LRRC28: variants seen among roughly 807,000 people sequenced by gnomAD.
LRRC28 encodes the protein leucine rich repeat containing 28, also known as leucine-rich repeat-containing protein 28.
Under a neutral mutation model 45.7 loss-of-function variants are expected in LRRC28, and 39 were observed. The ratio of observed to expected loss-of-function variants is 0.85; its 90% CI spans 0.66 to 1.12. The LOEUF is 1.12. Among genes scored for constraint, LRRC28 ranks in the 50% most tolerant of loss-of-function variants. The pLI is 0.00. For synonymous variants in LRRC28, 206 were observed against 178.8 expected, an observed-to-expected ratio of 1.15 and a Z score of -1.22; for missense variants, 435 against 438.5, an observed-to-expected ratio of 0.99 and a Z score of 0.07.
chr15:99,278,194 C>G (rs953211422), intron 3 of LRRC28, among the ~76,000 whole-genome samples: 2 of 152,180 alleles, frequency 1.3e-5, no homozygotes, highest in Non-Finnish European at 2.9e-5. Context: ...GCTCGTTCCT[C>G]TAGACAATGT....
chr15:99,349,718 C>T (rs1956810326), intron 6 of LRRC28, among the ~76,000 whole-genome samples: 1 of 152,032 alleles, frequency 6.6e-6, no homozygotes. Context: ...GTAAAGGACT[C>T]TTAAAAAACA....
chr15:99,305,236 G>A (rs1306459908), intron 5 of LRRC28, among the ~76,000 whole-genome samples: 1 of 152,204 alleles, frequency 6.6e-6, no homozygotes, highest in Non-Finnish European at 1.5e-5. Context: ...TTTTATAAAT[G>A]TGAATGAATT....
rs1958147022 is a variant in LRRC28 at position 99,390,293 on chromosome 15, CTG to C, written c.*4193_*4194del. ...TTGCTTCACAGCCTTTGAAGTATGA[CTG>C]TATGTGTGGTCCCCTTGTACTTTGG... On this transcript the variant is annotated 3_prime_UTR_variant, in exon 10 of 10. Transcript: ENST00000301981. The C allele has an allele frequency of 6.6e-6, 1 of 152,230 alleles. No homozygotes were observed. Among genetic ancestry groups the C allele is most frequent in the Non-Finnish European group, 1.5e-5 (1 of 68,044 alleles). The allele number at this position is 152,230 out of a possible 1,614,324, so 9.4% of individuals were successfully genotyped here.
In LRRC28 at chr15:99,268,254, A is replaced by G. The variant is rs2081383001; in HGVS notation, c.169-8322A>G. ...TCTGTGTCTGAGTTTTCCTGTGAAT[A>G]AAAGTCTAGCTTAATAGAAATATTT... is the stretch of plus-strand genomic sequence containing the variant. On this transcript the variant is annotated intron_variant, in intron 2 of 9. Transcript: ENST00000301981. Among the ~76,000 whole-genome samples the G allele has an allele frequency of 2.6e-5, 4 of 152,220 alleles. No homozygotes were observed. In the South Asian group the frequency reaches 8.3e-4, roughly 31 times the overall value.
chr15:99,258,183 C>A, intron 2 of LRRC28: 5 of 1,612,342 alleles, frequency 3.1e-6, no homozygotes, highest in Non-Finnish European at 4.2e-6. Context: ...GGCCAGTCAA[C>A]TTCTGAATTG....
At chr15:99,298,291 A>G (rs1388408193) in intron 5 of LRRC28, among the ~76,000 whole-genome samples, 1 of 152,206 alleles carries the variant, frequency 6.6e-6, no homozygotes, top group East Asian at 1.9e-4. Context: ...AACAGTGATG[A>G]CAGCACTGAG....
At chr15:99,266,983 CCTTA>C (rs1276987721) in intron 2 of LRRC28, among the ~76,000 whole-genome samples, 3 of 152,026 alleles carry the variant, frequency 2.0e-5, no homozygotes, top group Admixed American at 1.3e-4. Context: ...AAAGAAACAG[CCTTA>C]CTTAAGTGTT....
intron 5 of LRRC28, among the ~76,000 whole-genome samples, chr15:99,289,935 G>A (rs542114116): frequency 3.6e-4 from 18 of 49,756 alleles, no homozygotes; most frequent in East Asian, 1.0e-3. Flanking sequence ...GCAAGACTCC[G>A]TCTCAAAAAA....
At chr15:99,300,205 A>T (rs1469160301) in intron 5 of LRRC28, among the ~76,000 whole-genome samples, 1 of 152,036 alleles carries the variant, frequency 6.6e-6, no homozygotes, top group Admixed American at 6.5e-5. Context: ...TTTTTCTTAA[A>T]TGAGATAGTT....
At position 99,388,688 on chromosome 15, in the gene LRRC28, GTTA is replaced by G. The variant is rs1958100745; in HGVS notation, c.*2591_*2593del. The G allele has an allele frequency of 1.3e-5, 2 of 152,200 alleles. No individual in the cohort carries two copies. Among genetic ancestry groups the G allele is most frequent in the Admixed American group, 6.5e-5 (1 of 15,282 alleles). 9.4% of individuals were successfully genotyped at this position (152,200 alleles called of 1,614,324 possible). On this transcript the variant is annotated 3_prime_UTR_variant, in exon 10 of 10. Transcript: ENST00000301981. ...AGCTTTGCAGAAAAGCAAATCTGAA[GTTA>G]TTATATATGTTGTTTTCTTGAGCAA... is the stretch of plus-strand genomic sequence containing the variant.
chr15:99,341,350 C>G (rs571294522), intron 6 of LRRC28, among the ~76,000 whole-genome samples: 4 of 152,112 alleles, frequency 2.6e-5, no homozygotes, highest in Admixed American at 6.5e-5. Context: ...GCTCAGCCTC[C>G]CAAAGTGCTG....
intron 2 of LRRC28, among the ~76,000 whole-genome samples, chr15:99,261,457 G>A (rs562645237): frequency 1.3e-5 from 2 of 152,072 alleles, no homozygotes; most frequent in African/African-American, 2.4e-5. Flanking sequence ...TAGCAGATTC[G>A]GTGTCTGGTG....
At chr15:99,375,535 T>C (rs764548317) in intron 9 of LRRC28, among the ~76,000 whole-genome samples, 1 of 152,224 alleles carries the variant, frequency 6.6e-6, no homozygotes, top group Non-Finnish European at 1.5e-5. Flanking sequence ...AGAAATTGTG[T>C]AAAACTTTTC....
chr15:99,252,508 T>C, intron 1 of LRRC28, among the ~76,000 whole-genome samples: 1 of 152,202 alleles, frequency 6.6e-6, no homozygotes, highest in Non-Finnish European at 1.5e-5. Context: ...GGTTTTGCAT[T>C]ATAGGGCGGC....
At position 99,389,348 on chromosome 15, in the gene LRRC28, C is replaced by A. The variant is rs571093122; in HGVS notation, c.*3246C>A. 9.2e-5 allele frequency: 14 copies of A among 152,276 alleles called. No individual in the cohort carries two copies. Among genetic ancestry groups the A allele is most frequent in the Admixed American group, 6.5e-4 (10 of 15,296 alleles). The allele number at this position is 152,276 out of a possible 1,614,324, so 9.4% of individuals were successfully genotyped here. A position where few individuals can be genotyped will look rare whatever the true frequency, so the allele number is the denominator to read the frequency against. On this transcript the variant is annotated 3_prime_UTR_variant, in exon 10 of 10. Transcript: ENST00000301981. ...CTTATGAGGCTCTGCATATAATTTT[C>A]TCTAAAATATGTAACTATTTTGTAG...
intron 7 of LRRC28, among the ~76,000 whole-genome samples, chr15:99,354,934 C>A (rs1324582821): frequency 1.3e-5 from 2 of 152,048 alleles, no homozygotes; most frequent in African/African-American, 4.8e-5. Context: ...AACAACTGAG[C>A]AAAATGAACA....
At chr15:99,274,741 A>G (rs139623055) in intron 2 of LRRC28, among the ~76,000 whole-genome samples, 4 of 152,320 alleles carry the variant, frequency 2.6e-5, no homozygotes, top group Admixed American at 1.3e-4. Flanking sequence ...TGAAAATGTA[A>G]GATTTCTTCG....
intron 5 of LRRC28, among the ~76,000 whole-genome samples, chr15:99,312,373 T>G (rs2152266818): frequency 6.6e-6 from 1 of 152,316 alleles, no homozygotes; most frequent in Non-Finnish European, 1.5e-5. Context: ...AGGGTCAAGA[T>G]AATCAATATC....
chr15:99,280,575 A>G (rs2081758930), intron 3 of LRRC28, among the ~76,000 whole-genome samples: 1 of 152,014 alleles, frequency 6.6e-6, no homozygotes, highest in East Asian at 1.9e-4. Flanking sequence ...AAACATCTAC[A>G]GTTGTTATAT....
Sources: gnomAD v4.1 joint callset for allele counts (sites outside exome capture counted in the v4.1 genomes callset) on GRCh38, gnomAD v4.1.1 for gene constraint, MANE v1.5 for transcripts, NCBI Gene and HGNC (gene_info 2026-07-23, HGNC 2026-07-21) for gene names.